The following PHYKPL variants were observed in gnomAD, a reference collection of about 807,000 sequenced individuals.
The protein encoded by PHYKPL is 5-phosphohydroxy-L-lysine phospho-lyase.
PHYKPL carries 42 observed loss-of-function variants against 51.3 expected under a neutral mutation model. The ratio of observed to expected loss-of-function variants is 0.82; its 90% CI spans 0.64 to 1.06. The LOEUF (loss-of-function observed/expected upper bound fraction) is 1.06, where lower values mean the gene tolerates loss of function less well. Among genes scored for constraint, PHYKPL ranks in the 50% least tolerant of loss-of-function variants. PHYKPL has a pLI of 0.00. For synonymous variants in PHYKPL, 264 were observed against 236.0 expected (o/e 1.12, Z -1.09); for missense variants, 655 against 586.6 (o/e 1.12, Z -1.20).
chr5:178,210,043 C>T, intron 12 of PHYKPL: 1 of 1,557,494 alleles, frequency 6.4e-7, no homozygotes, highest in Non-Finnish European at 8.7e-7. Context: ...CACAGTAACC[C>T]TGCCACCCCA....
intron 12 of PHYKPL, chr5:178,210,841 A>G (rs932485587): frequency 2.3e-5 from 13 of 573,736 alleles, no homozygotes; most frequent in Non-Finnish European, 3.4e-5. Flanking sequence ...TAGCGCCATC[A>G]TGGGCTGATT....
chr5:178,227,765 G>A (rs1373777045), intron 3 of PHYKPL, among the ~76,000 whole-genome samples: 1 of 152,192 alleles, frequency 6.6e-6, no homozygotes, highest in Non-Finnish European at 1.5e-5. Flanking sequence ...TGTGTCTAAT[G>A]GAGTTGACAA....
chr5:178,227,387 C>T (rs1561738928), intron 3 of PHYKPL, among the ~76,000 whole-genome samples: 5 of 152,220 alleles, frequency 3.3e-5, no homozygotes, highest in South Asian at 2.1e-4. Context: ...TTGTTTAAGC[C>T]ACTCAGTCTC....
chr5:178,210,941 G>A (rs1369815614), intron 12 of PHYKPL: 1 of 358,260 alleles, frequency 2.8e-6, no homozygotes. Flanking sequence ...GTTGTAAAGA[G>A]TAAATTGTAT....
intron 12 of PHYKPL, chr5:178,209,594 G>T: frequency 1.5e-6 from 1 of 683,082 alleles, no homozygotes; most frequent in South Asian, 1.8e-5. Flanking sequence ...AACGGCTCTG[G>T]GTCAGGGCTG....
At chr5:178,229,904 C>T (rs1288577750) in intron 3 of PHYKPL, 36 bp downstream of exon 3, 1 of 1,606,246 alleles carries the variant, frequency 6.2e-7, no homozygotes, top group Non-Finnish European at 8.5e-7. Context: ...GTTACCGTCT[C>T]ACCCTCTTCC....
chr5:178,219,569 C>G (rs917352750), intron 8 of PHYKPL, among the ~76,000 whole-genome samples: 1 of 151,900 alleles, frequency 6.6e-6, no homozygotes, highest in East Asian at 1.9e-4. Context: ...CCTGCCTCAG[C>G]CTCCCGAGTA....
intron 6 of PHYKPL, 66 bp from the exon 7 acceptor site, chr5:178,223,000 G>A (rs1249800936): frequency 6.8e-7 from 1 of 1,478,580 alleles, no homozygotes; most frequent in Non-Finnish European, 9.4e-7. Context: ...AGCGTGCCCT[G>A]CTAGTGCTGG....
intron 8 of PHYKPL, chr5:178,216,928 G>C (rs186559336): frequency 1.3e-5 from 2 of 152,140 alleles, no homozygotes; most frequent in African/African-American, 2.4e-5. Context: ...AGCTGCTTGC[G>C]GGGTGAGGCA....
chr5:178,218,706 TCA>T (rs1487073726), intron 8 of PHYKPL, among the ~76,000 whole-genome samples: 1 of 152,164 alleles, frequency 6.6e-6, no homozygotes, highest in African/African-American at 2.4e-5. Context: ...CATCTTGAAC[TCA>T]CTAAAACATA....
chr5:178,228,396 G>A (rs1762701252), intron 3 of PHYKPL: 2 of 626,774 alleles, frequency 3.2e-6, no homozygotes, highest in Non-Finnish European at 2.8e-6. Flanking sequence ...AGACAATGCA[G>A]CAAAGAGATT....
At chr5:178,218,235 A>AG (rs1315735945) in intron 8 of PHYKPL, among the ~76,000 whole-genome samples, 13 of 135,470 alleles carry the variant, frequency 9.6e-5, no homozygotes, top group Non-Finnish European at 1.4e-4. Flanking sequence ...AAAAAAAAAA[A>AG]AAAGAAAGAA....
intron 8 of PHYKPL, among the ~76,000 whole-genome samples, chr5:178,218,572 C>T (rs1441474657): frequency 1.3e-5 from 2 of 152,190 alleles, no homozygotes; most frequent in African/African-American, 4.8e-5. Context: ...GTCAGCAACC[C>T]GGAAGAGGAC....
downstream of PHYKPL, chr5:178,207,246 C>T (rs1561662193): frequency 6.2e-7 from 1 of 1,612,984 alleles, no homozygotes; most frequent in Non-Finnish European, 8.5e-7. Context: ...CCCAGCTCTG[C>T]TTGGCCTCCT....
chr5:178,231,906 G>A, intron 1 of PHYKPL: 1 of 1,304,388 alleles, frequency 7.7e-7, no homozygotes, highest in South Asian at 1.2e-5. Context: ...TTAGGTGCCT[G>A]GCTCTCAGCC....
chr5:178,218,216 CAAAAAA>C (rs777929826), intron 8 of PHYKPL, among the ~76,000 whole-genome samples: 2 of 58,282 alleles, frequency 3.4e-5, no homozygotes, highest in Non-Finnish European at 5.9e-5. Context: ...AACTCCGTCT[CAAAAAA>C]AAAAAAAAAA....
chr5:178,218,956 G>A (rs1411540950), intron 8 of PHYKPL, among the ~76,000 whole-genome samples: 1 of 152,010 alleles, frequency 6.6e-6, no homozygotes, highest in Non-Finnish European at 1.5e-5. Context: ...GCAAGACTCC[G>A]TCTCAAAAAA....
chr5:178,228,722 C>T, intron 3 of PHYKPL: 1 of 666,158 alleles, frequency 1.5e-6, no homozygotes, highest in Non-Finnish European at 2.7e-6. Context: ...AATGTTCTCT[C>T]CCAGATACAC....
At chr5:178,209,857 C>T (rs923439520) in intron 12 of PHYKPL, among the ~76,000 whole-genome samples, 1 of 152,260 alleles carries the variant, frequency 6.6e-6, no homozygotes, top group Middle Eastern at 3.4e-3. Flanking sequence ...AAAGGCTAAG[C>T]TGCCAAGGAG....
Sources: gnomAD v4.1 joint callset for allele counts (sites outside exome capture counted in the v4.1 genomes callset) on GRCh38, gnomAD v4.1.1 for gene constraint, MANE v1.5 for transcripts, NCBI Gene and HGNC (gene_info 2026-07-23, HGNC 2026-07-21) for gene names.